NFIA: variants seen among roughly 807,000 people sequenced by gnomAD.
The protein encoded by NFIA is nuclear factor 1 A-type.
NFIA carries 8 observed loss-of-function variants against 62.8 expected under a neutral mutation model. That is an observed-to-expected ratio of 0.13 (90% CI 0.07 to 0.23). The LOEUF (loss-of-function observed/expected upper bound fraction) is 0.23, where lower values mean the gene tolerates loss of function less well. NFIA is among the 10% of genes least tolerant of loss of function. The pLI, the probability that NFIA is intolerant of heterozygous loss-of-function variation, is 1.00. For missense variants in NFIA, 410 were observed against 642.1 expected (o/e 0.64, Z 3.91); for synonymous variants, 235 against 238.1 (o/e 0.99, Z 0.12).
At chr1:61,417,168 G>A (rs1317970799) in intron 9 of NFIA, among the ~76,000 whole-genome samples, 1 of 151,178 alleles carries the variant, frequency 6.6e-6, no homozygotes, top group African/African-American at 2.4e-5. Context: ...ATAATATATG[G>A]CATTTTAGGA....
At chr1:61,316,490 C>T (rs966606696) in intron 3 of NFIA, among the ~76,000 whole-genome samples, 1 of 152,014 alleles carries the variant, frequency 6.6e-6, no homozygotes, top group Non-Finnish European at 1.5e-5. Flanking sequence ...TTTTGGTGCT[C>T]ACAAGGAGGG....
chr1:61,371,466 A>G (rs1440475430), intron 6 of NFIA, among the ~76,000 whole-genome samples: 1 of 152,030 alleles, frequency 6.6e-6, no homozygotes, highest in Non-Finnish European at 1.5e-5. Flanking sequence ...TTTCATTTAG[A>G]ATAAAAAAAA....
intron 2 of NFIA, among the ~76,000 whole-genome samples, chr1:61,240,508 C>T (rs1367995294): frequency 6.6e-6 from 1 of 151,656 alleles, no homozygotes; most frequent in South Asian, 2.1e-4. Context: ...TTCCACAAAC[C>T]GTACACAATG....
At chr1:61,126,837 T>C (rs369259572) in intron 2 of NFIA, among the ~76,000 whole-genome samples, 5 of 138,038 alleles carry the variant, frequency 3.6e-5, no homozygotes, top group African/African-American at 1.4e-4. Flanking sequence ...CAGGCTGGAG[T>C]GCAGTGGTGT....
chr1:61,222,375 C>A (rs999694826), intron 2 of NFIA, among the ~76,000 whole-genome samples: 1 of 152,040 alleles, frequency 6.6e-6, no homozygotes, highest in Non-Finnish European at 1.5e-5. Context: ...TTTCTATGTA[C>A]CTTGCCTTTT....
intron 9 of NFIA, among the ~76,000 whole-genome samples, chr1:61,420,759 A>G (rs1326056587): frequency 6.6e-6 from 1 of 152,192 alleles, no homozygotes; most frequent in Non-Finnish European, 1.5e-5. Context: ...GATATTTGAG[A>G]TGAGAAGGGA....
intron 9 of NFIA, among the ~76,000 whole-genome samples, chr1:61,426,250 A>G (rs574762011): frequency 1.3e-5 from 2 of 152,304 alleles, no homozygotes; most frequent in East Asian, 3.9e-4. Context: ...TTAGTTTGAC[A>G]TCATTTTATC....
chr1:61,116,691 T>TTTGTG (rs2100462645), intron 2 of NFIA, among the ~76,000 whole-genome samples: 1 of 151,910 alleles, frequency 6.6e-6, no homozygotes, highest in Admixed American at 6.5e-5. Context: ...GGTGAGGCTG[T>TTTGTG]TTGTTTATCA....
intron 2 of NFIA, among the ~76,000 whole-genome samples, chr1:61,264,498 A>G (rs1382523252): frequency 1.3e-5 from 2 of 151,686 alleles, no homozygotes; most frequent in Non-Finnish European, 2.9e-5. Flanking sequence ...TACAAAAAAG[A>G]AAAAGAGCTG....
At chr1:61,442,430 A>G (rs908390261) in intron 10 of NFIA, among the ~76,000 whole-genome samples, 2 of 152,186 alleles carry the variant, frequency 1.3e-5, no homozygotes, top group African/African-American at 4.8e-5. Flanking sequence ...TTGAACTATC[A>G]ACTATTAAAT....
intron 2 of NFIA, among the ~76,000 whole-genome samples, chr1:61,245,046 A>G (rs1001954502): frequency 3.3e-5 from 5 of 152,226 alleles, no homozygotes; most frequent in African/African-American, 1.2e-4. Context: ...CAACTCAAAC[A>G]TGTATTATGT....
intron 6 of NFIA, among the ~76,000 whole-genome samples, chr1:61,367,390 C>A (rs1417734409): frequency 1.3e-5 from 2 of 152,172 alleles, no homozygotes; most frequent in African/African-American, 4.8e-5. Flanking sequence ...TCATCTCTTG[C>A]TGGAGTAGGA....
At chr1:61,379,994 A>T (rs1021865722) in intron 6 of NFIA, among the ~76,000 whole-genome samples, 1 of 152,184 alleles carries the variant, frequency 6.6e-6, no homozygotes, top group Non-Finnish European at 1.5e-5. Context: ...AGAATCCCAT[A>T]TATGTTTGCC....
intron 3 of NFIA, among the ~76,000 whole-genome samples, chr1:61,331,899 C>CA (rs368137825): frequency 6.6e-6 from 1 of 151,996 alleles, no homozygotes; most frequent in East Asian, 1.9e-4. Context: ...TATCTTTTCT[C>CA]AAAAAAATCA....
intron 2 of NFIA, among the ~76,000 whole-genome samples, chr1:61,207,257 T>C (rs951046045): frequency 2.6e-5 from 4 of 152,200 alleles, no homozygotes; most frequent in African/African-American, 9.7e-5. Context: ...GTTGACTGTT[T>C]TATTTCTCTC....
chr1:61,202,868 A>G (rs1380787355), intron 2 of NFIA, among the ~76,000 whole-genome samples: 1 of 152,264 alleles, frequency 6.6e-6, no homozygotes, highest in African/African-American at 2.4e-5. Flanking sequence ...TGCTAACTAT[A>G]TACAGCACTT....
chr1:61,379,606 C>T (rs1247815203), intron 6 of NFIA, among the ~76,000 whole-genome samples: 1 of 150,980 alleles, frequency 6.6e-6, no homozygotes, highest in Non-Finnish European at 1.5e-5. Flanking sequence ...TGCGGTTTCA[C>T]CATGTTGGCC....
intron 2 of NFIA, among the ~76,000 whole-genome samples, chr1:61,224,643 C>G (rs1654217642): frequency 6.6e-6 from 1 of 152,246 alleles, no homozygotes; most frequent in South Asian, 2.1e-4. Flanking sequence ...CTCTAGTCTC[C>G]ATTTGGTACC....
chr1:61,180,494 A>G (rs1256218373), intron 2 of NFIA, among the ~76,000 whole-genome samples: 1 of 152,188 alleles, frequency 6.6e-6, no homozygotes, highest in East Asian at 1.9e-4. Context: ...GCCATTTAAG[A>G]TGGGGTTGCA....
Sources: allele counts gnomAD v4.1 joint callset (sites outside exome capture counted in the v4.1 genomes callset), GRCh38; gene constraint gnomAD v4.1.1; transcripts MANE v1.5; gene names NCBI Gene and HGNC (gene_info 2026-07-23, HGNC 2026-07-21).